KLHL29: variants seen among roughly 807,000 people sequenced by gnomAD.
KLHL29 encodes kelch-like protein 29.
Under a neutral mutation model 80.4 loss-of-function variants are expected in KLHL29, and 21 were observed. That is an observed-to-expected ratio of 0.26 (90% CI 0.19 to 0.38). The LOEUF is 0.38. Among genes scored for constraint, KLHL29 ranks in the 10% least tolerant of loss-of-function variants. The pLI, the probability that KLHL29 is intolerant of heterozygous loss-of-function variation, is 1.00. For missense variants in KLHL29, 867 were observed against 1,223.9 expected, an observed-to-expected ratio of 0.71 and a Z score of 4.35; for synonymous variants, 511 against 526.8, an observed-to-expected ratio of 0.97 and a Z score of 0.41.
At chr2:23,590,402 A>G (rs2103515578) in intron 3 of KLHL29, among the ~76,000 whole-genome samples, 1 of 152,022 alleles carries the variant, frequency 6.6e-6, no homozygotes, top group Middle Eastern at 3.4e-3. Context: ...TGTCCATTTC[A>G]CGCTCCACCT....
chr2:23,539,188 A>T (rs968485385), intron 2 of KLHL29, among the ~76,000 whole-genome samples: 3 of 130,338 alleles, frequency 2.3e-5, no homozygotes, highest in African/African-American at 9.3e-5. Context: ...AGTCCTGGGG[A>T]TCGTACTGGT....
intron 3 of KLHL29, among the ~76,000 whole-genome samples, chr2:23,610,906 C>G (rs1558407728): frequency 6.6e-6 from 1 of 152,182 alleles, no homozygotes; most frequent in African/African-American, 2.4e-5. Flanking sequence ...TATTCTGTGC[C>G]AAGCACAGTT....
At chr2:23,691,451 G>A (rs1245789110) in intron 6 of KLHL29, 5 of 591,836 alleles carry the variant, frequency 8.4e-6, no homozygotes, top group Middle Eastern at 4.5e-4. Context: ...TGGACATGCC[G>A]AGTAGTGATA....
chr2:23,412,126 G>GGA (rs1553319925), intron 1 of KLHL29, among the ~76,000 whole-genome samples: 2 of 131,160 alleles, frequency 1.5e-5, no homozygotes, highest in Non-Finnish European at 3.1e-5. Context: ...GCGTGAAGGG[G>GGA]GGGGGGGGGC....
intron 1 of KLHL29, among the ~76,000 whole-genome samples, chr2:23,387,504 T>TTTTTTATTA (rs1553317087): frequency 3.4e-4 from 40 of 117,680 alleles, no homozygotes; most frequent in East Asian, 1.2e-3. Flanking sequence ...TCATTCCTGA[T>TTTTTTATTA]TTATTATTAT....
chr2:23,647,590 A>G lies in KLHL29; in HGVS notation c.940+4740A>G, dbSNP rs1476797115. Among the ~76,000 whole-genome samples, 1 of 151,988 alleles carries G rather than the reference A, an allele frequency of 6.6e-6. No individual in the cohort carries two copies. The highest frequency in any genetic ancestry group is 6.6e-5 in the Admixed American group (1 of 15,260). On this transcript the variant is annotated intron_variant, in intron 5 of 13. Transcript: ENST00000486442. The surrounding 1 kb of genome is among the most constrained non-coding windows in gnomAD (Gnocchi z 4.9). ...GGCCACCGTCACCTCTGGCCTGCACACTGGCCTCCCAGCCCACAGTGCATT... is the reference window on the plus strand; with the variant it reads ...GGCCACCGTCACCTCTGGCCTGCACGCTGGCCTCCCAGCCCACAGTGCATT...
intron 2 of KLHL29, among the ~76,000 whole-genome samples, chr2:23,488,850 G>T (rs964445973): frequency 6.6e-6 from 1 of 152,170 alleles, no homozygotes; most frequent in African/African-American, 2.4e-5. Flanking sequence ...GGTGACTAAT[G>T]CAAAGCCATC....
intron 2 of KLHL29, chr2:23,532,660 G>C (rs1022467306): frequency 6.6e-6 from 3 of 456,616 alleles, no homozygotes; most frequent in South Asian, 3.1e-5. Flanking sequence ...CTGGGCGGTG[G>C]GGAGCTCACT....
At chr2:23,641,169 C>G (rs772069599) in intron 4 of KLHL29, among the ~76,000 whole-genome samples, 2 of 152,204 alleles carry the variant, frequency 1.3e-5, no homozygotes, top group Non-Finnish European at 2.9e-5. Flanking sequence ...TGGTGTCTCC[C>G]AGTTTCCCTC....
chr2:23,403,722 A>AGTGTGTGTGT (rs202189865), intron 1 of KLHL29, among the ~76,000 whole-genome samples: 9 of 141,004 alleles, frequency 6.4e-5, no homozygotes, highest in African/African-American at 1.7e-4. Context: ...AGAGAGAGAG[A>AGTGTGTGTGT]GAGAGTGTGT....
intron 2 of KLHL29, among the ~76,000 whole-genome samples, chr2:23,538,349 A>C (rs1397690963): frequency 6.6e-6 from 1 of 152,234 alleles, no homozygotes; most frequent in Non-Finnish European, 1.5e-5. Flanking sequence ...GCCAGATGGC[A>C]TGGGTGCAAA....
In KLHL29 at chr2:23,681,853, G is replaced by A. The variant is rs1671091069; in HGVS notation, c.941-2546G>A. On this transcript the variant is annotated intron_variant, in intron 5 of 13. Transcript: ENST00000486442. This position sits in a 1 kb window ranked among gnomAD's most constrained non-coding sequence, Gnocchi z 4.2. ...AATTCGGCTGGTGACTCTTTCTGGA[G>A]ATACGTGTGAGCATGGCAGCTGAGC... Among the ~76,000 whole-genome samples, 1 of 152,180 alleles carries A rather than the reference G, an allele frequency of 6.6e-6. No individual in the cohort carries two copies. The highest frequency in any genetic ancestry group is 2.4e-5 in the African/African-American group (1 of 41,450).
In KLHL29 at chr2:23,696,361, T is replaced by C. The variant is rs1671959497; in HGVS notation, c.1953T>C (p.Ala651=). 6.4e-6 allele frequency: 10 copies of C among 1,551,628 alleles called. No individual in the cohort carries two copies. Among genetic ancestry groups the C allele is most frequent in the Middle Eastern group, 1.7e-4 (1 of 5,964 alleles). ...SGGMESGVTL[A]DVWCYMSLLD... ...GGATGGAATCAGGGGTGACGCTGGC[T>C]GATGTCTGGTGCTACATGTCCCTGC... Residue 651 remains alanine, a synonymous_variant, in exon 11 of 14, where the codon GCT becomes GCC. Transcript: ENST00000486442. This position sits in a 1 kb window ranked among gnomAD's most constrained non-coding sequence, Gnocchi z 5.5.
intron 5 of KLHL29, chr2:23,667,998 A>G (rs559676462): frequency 6.6e-6 from 1 of 152,284 alleles, no homozygotes; most frequent in African/African-American, 2.4e-5. Context: ...GGAAATGCCT[A>G]AAGCACTTCA....
chr2:23,651,829 C>T (rs971979657), intron 5 of KLHL29, among the ~76,000 whole-genome samples: 2 of 152,180 alleles, frequency 1.3e-5, no homozygotes, highest in Admixed American at 6.5e-5. Context: ...TGTATCCTCA[C>T]GTGGCCTTTC....
intron 3 of KLHL29, among the ~76,000 whole-genome samples, chr2:23,580,996 C>G (rs950240045): frequency 7.2e-5 from 11 of 152,154 alleles, no homozygotes; most frequent in Non-Finnish European, 1.3e-4. Flanking sequence ...AAAATAAAAT[C>G]TAGCCCATTC....
At chr2:23,489,561 A>T (rs866253160) in intron 2 of KLHL29, among the ~76,000 whole-genome samples, 1 of 152,144 alleles carries the variant, frequency 6.6e-6, no homozygotes, top group African/African-American at 2.4e-5. Flanking sequence ...AGTCATTCTC[A>T]GAAACCTGCG....
chr2:23,442,267 A>T (rs1244243760), intron 1 of KLHL29, among the ~76,000 whole-genome samples: 2 of 151,864 alleles, frequency 1.3e-5, no homozygotes, highest in East Asian at 1.9e-4. Context: ...ATTTTTTTAA[A>T]TTTTTTGTAG....
At chr2:23,689,108 TG>T (rs937785724) in intron 6 of KLHL29, 5 of 152,352 alleles carry the variant, frequency 3.3e-5, no homozygotes, top group Non-Finnish European at 7.3e-5. Context: ...CCTCGCCCTC[TG>T]GGGCCTCGCC....
Sources: allele counts gnomAD v4.1 joint callset (sites outside exome capture counted in the v4.1 genomes callset), GRCh38; gene constraint gnomAD v4.1.1; non-coding constraint Gnocchi (gnomAD v3.1); transcripts MANE v1.5; gene names NCBI Gene and HGNC (gene_info 2026-07-23, HGNC 2026-07-21).